Variants in ZDHHC8 observed in about 807,000 individuals in gnomAD.
ZDHHC8 encodes palmitoyltransferase ZDHHC8.
Under a neutral mutation model 61.2 loss-of-function variants are expected in ZDHHC8, and 24 were observed. The ratio of observed to expected loss-of-function variants is 0.39; its 90% CI spans 0.28 to 0.55. The LOEUF (loss-of-function observed/expected upper bound fraction) is 0.55, where lower values mean the gene tolerates loss of function less well. Ranked by LOEUF, ZDHHC8 falls within the 20% of genes least tolerant of loss-of-function variation. ZDHHC8 has a pLI of 0.60. For missense variants in ZDHHC8, 935 were observed against 1,102.1 expected (o/e 0.85, Z 2.15); for synonymous variants, 523 against 492.5 (o/e 1.06, Z -0.82).
chr22:20,141,459 C>A lies in ZDHHC8; in HGVS notation c.1054C>A (p.Pro352Thr), dbSNP rs539401729. The A allele has an allele frequency of 6.8e-6, 11 of 1,613,434 alleles. No homozygotes were observed. The highest frequency in any genetic ancestry group is 1.1e-5 in the South Asian group (1 of 91,074). ...LSVQRTSPPT[P>T]AMYKFRPAFP... is the part of the protein sequence containing the mutation. Reference sequence around the variant, plus strand: ...GGTGCAGAGGACCAGCCCCCCGACACCTGCCATGTACAAGTTTAGGCCGGC... The same window carrying A: ...GGTGCAGAGGACCAGCCCCCCGACAACTGCCATGTACAAGTTTAGGCCGGC... Residue 352 changes from proline to threonine, a missense_variant, in exon 9 of 11, where the codon CCT becomes ACT. By Grantham distance (38) the Pro-to-Thr change is conservative. Coordinates refer to ENST00000334554, the MANE Select transcript of ZDHHC8 (RefSeq NM_013373.4).
intron 1 of ZDHHC8, among the ~76,000 whole-genome samples, chr22:20,132,784 C>T (rs1457006327): frequency 6.6e-6 from 1 of 152,252 alleles, no homozygotes; most frequent in Non-Finnish European, 1.5e-5. Context: ...AAGATACAGG[C>T]TGGCTTAGGA....
At chr22:20,136,083 G>A (rs1020823294) in intron 1 of ZDHHC8, among the ~76,000 whole-genome samples, 6 of 152,168 alleles carry the variant, frequency 3.9e-5, no homozygotes, top group Non-Finnish European at 8.8e-5. Flanking sequence ...TGGCCCTGGA[G>A]GAGGGATTGG....
At chr22:20,140,299 C>A in intron 5 of ZDHHC8, 82 bp downstream of exon 5, 1 of 1,387,812 alleles carries the variant, frequency 7.2e-7, no homozygotes, top group Non-Finnish European at 9.8e-7. Context: ...GGCTGGGGCA[C>A]CCTTGCCTGA....
rs1459818305 is a variant in ZDHHC8 at position 20,146,033 on chromosome 22, TCTGTGTG to T, written c.*639_*645del. 1 of 985,976 alleles carries T rather than the reference TCTGTGTG, an allele frequency of 1.0e-6. No homozygotes were observed. The allele number at this position is 985,976 out of a possible 1,614,324, so 61.1% of individuals were successfully genotyped here. On this transcript the variant is annotated 3_prime_UTR_variant, in exon 11 of 11. Transcript: ENST00000334554. ...GGGGCCCGGCTCCATGTGTCCCGTGTCTGTGTGCTGTGCTGCCGCGCCGTGTCTGATG... is the reference window on the plus strand; with the variant it reads ...GGGGCCCGGCTCCATGTGTCCCGTGTCTGTGCTGCCGCGCCGTGTCTGATG...
rs369906244 is a variant in ZDHHC8, at chr22:20,142,957, G to A, written c.1327G>A (p.Gly443Arg). 71 of 1,601,298 alleles carry A rather than the reference G, an allele frequency of 4.4e-5. No homozygotes were observed. Among genetic ancestry groups the A allele is most frequent in the Admixed American group, 1.9e-4 (11 of 59,374 alleles). The change falls in exon 10 of 11, where the codon GGG (glycine) becomes AGG (arginine). Residue 443 changes from glycine to arginine, a missense_variant. Around this residue, in one of 3 missense-constraint regions of ZDHHC8, gnomAD observed 692 missense variants for 731.4 expected, o/e 0.95. Coordinates refer to ENST00000334554, the MANE Select transcript of ZDHHC8 (RefSeq NM_013373.4). The part of the protein sequence containing the change: ...LSLKASSRRG[G>R]DHVALQPLRS... ...CCTCAAGGCCTCGAGCCGGCGGGGC[G>A]GGGATCATGTGGCCCTGCAGCCCCT...
chr22:20,140,440 G>C (rs2050458203), intron 5 of ZDHHC8, 177 bp from the exon 6 acceptor site: 1 of 807,686 alleles, frequency 1.2e-6, no homozygotes, highest in East Asian at 2.7e-5. Flanking sequence ...AAATCCCACA[G>C]CTCCCTGCAA....
At chr22:20,134,031 T>C (rs1288061681) in intron 1 of ZDHHC8, among the ~76,000 whole-genome samples, 1 of 152,256 alleles carries the variant, frequency 6.6e-6, no homozygotes, top group African/African-American at 2.4e-5. Flanking sequence ...TCTGGGGTTC[T>C]GGTTTCGGCG....
Position 20,146,088 on chromosome 22 carries a change from G to A in ZDHHC8, c.*688G>A. On this transcript the variant is annotated 3_prime_UTR_variant, in exon 11 of 11. Transcript: ENST00000334554. ...ATGTGTCAGTGCTCCGGCCGCCGCT[G>A]TCCCTTTCATCAAAGCCTTAACCTT... is the stretch of plus-strand genomic sequence containing the variant. 1 of 985,874 alleles carries A rather than the reference G, an allele frequency of 1.0e-6. No homozygotes were observed. 61.1% of individuals were successfully genotyped at this position (985,874 alleles called of 1,614,324 possible).
Position 20,146,052 on chromosome 22 carries a change from C to G in ZDHHC8, c.*652C>G, listed in dbSNP as rs948970527. The G allele has an allele frequency of 1.0e-6, 1 of 985,776 alleles. No homozygotes were observed. Among genetic ancestry groups the G allele is most frequent in the Non-Finnish European group, 1.2e-6 (1 of 830,046 alleles). The allele number at this position is 985,776 out of a possible 1,614,324, so 61.1% of individuals were successfully genotyped here. ...CCCGTGTCTGTGTGCTGTGCTGCCG[C>G]GCCGTGTCTGATGTGTCAGTGCTCC... On this transcript the variant is annotated 3_prime_UTR_variant, in exon 11 of 11. Coordinates refer to ENST00000334554, the MANE Select transcript of ZDHHC8 (RefSeq NM_013373.4).
chr22:20,145,091 A>G (rs1218545650), intron 10 of ZDHHC8, 138 bp from the exon 11 acceptor site: 2 of 634,602 alleles, frequency 3.2e-6, no homozygotes, highest in South Asian at 3.3e-5. Context: ...CCCAGAGGGC[A>G]GGGACTGCAC....
In ZDHHC8 at chr22:20,145,453, C is replaced by T. The variant is rs1282698934; in HGVS notation, c.*53C>T. The T allele has an allele frequency of 3.8e-5, 52 of 1,363,038 alleles. No individual in the cohort carries two copies. The highest frequency in any genetic ancestry group is 4.7e-5 in the Non-Finnish European group (50 of 1,055,764). 84.4% of individuals were successfully genotyped at this position (1,363,038 alleles called of 1,614,324 possible). ...TGCCACGGGGACCAGGACCCCACAG[C>T]GCACCCCCCCTCCCCACCAACTTCT... On this transcript the variant is annotated 3_prime_UTR_variant, in exon 11 of 11. Transcript: ENST00000334554.
At position 20,147,085 on chromosome 22, in the gene ZDHHC8, C is replaced by T. The variant is rs1436087342; in HGVS notation, c.*1685C>T. The T allele has an allele frequency of 3.3e-6, 5 of 1,529,580 alleles. No homozygotes were observed. The highest frequency in any genetic ancestry group is 4.4e-6 in the Non-Finnish European group (5 of 1,139,352). 94.8% of individuals were successfully genotyped at this position (1,529,580 alleles called of 1,614,324 possible). A position where few individuals can be genotyped will look rare whatever the true frequency, so the allele number is the denominator to read the frequency against. On this transcript the variant is annotated 3_prime_UTR_variant, in exon 11 of 11. Coordinates refer to ENST00000334554, the MANE Select transcript of ZDHHC8 (RefSeq NM_013373.4). ...TGGCCAGCCTTGGGTGCCTCCTGGGCTGCACCTGTGCCACCTTGGCCGCCC... is the reference window on the plus strand; with the variant it reads ...TGGCCAGCCTTGGGTGCCTCCTGGGTTGCACCTGTGCCACCTTGGCCGCCC...
chr22:20,134,225 G>C (rs1213177612), intron 1 of ZDHHC8, among the ~76,000 whole-genome samples: 2 of 152,234 alleles, frequency 1.3e-5, no homozygotes, highest in Admixed American at 6.5e-5. Context: ...TGGCCACCTA[G>C]CAAGGCTAAG....
At chr22:20,134,568 A>G (rs75031525) in intron 1 of ZDHHC8, among the ~76,000 whole-genome samples, 4,772 of 152,322 alleles carry the variant, frequency 0.031, 123 homozygotes, top group Non-Finnish European at 0.051. Context: ...CTTAGTGCCT[A>G]TACAGGGTTC....
At chr22:20,141,116 T>C (rs2050465358) in intron 7 of ZDHHC8, 101 bp from the exon 8 acceptor site, 3 of 1,588,802 alleles carry the variant, frequency 1.9e-6, no homozygotes, top group African/African-American at 2.7e-5. Flanking sequence ...GACAGAGCCG[T>C]AGACAGATTC....
At chr22:20,144,152 C>G (rs747830258) in intron 10 of ZDHHC8, among the ~76,000 whole-genome samples, 1 of 152,138 alleles carries the variant, frequency 6.6e-6, no homozygotes, top group Non-Finnish European at 1.5e-5. Context: ...AGGGCTCTCC[C>G]TGGGCCTGCT....
chr22:20,134,686 G>A (rs1307351719), intron 1 of ZDHHC8, among the ~76,000 whole-genome samples: 2 of 152,240 alleles, frequency 1.3e-5, no homozygotes, highest in African/African-American at 4.8e-5. Flanking sequence ...CTTCACCCAT[G>A]CACCAGGTGG....
At chr22:20,135,085 T>C (rs1473162306) in intron 1 of ZDHHC8, among the ~76,000 whole-genome samples, 1 of 151,968 alleles carries the variant, frequency 6.6e-6, no homozygotes, top group Non-Finnish European at 1.5e-5. Context: ...GTGGGCACCC[T>C]CACACCTGGC....
chr22:20,143,043 C>T lies in ZDHHC8; in HGVS notation c.1413C>T (p.Pro471=). The part of the protein sequence containing the change: ...HRSIFAPHAL[P]NRNGSLSYDS... ...GCATTTTTGCCCCCCATGCACTGCCCAACCGCAACGGCAGCCTGTCCTATG... is the reference window on the plus strand; with the variant it reads ...GCATTTTTGCCCCCCATGCACTGCCTAACCGCAACGGCAGCCTGTCCTATG... Residue 471 remains proline, a synonymous_variant, in exon 10 of 11, where the codon CCC becomes CCT. Coordinates refer to ENST00000334554, the MANE Select transcript of ZDHHC8 (RefSeq NM_013373.4). The T allele has an allele frequency of 1.2e-6, 2 of 1,612,536 alleles. No individual in the cohort carries two copies. The highest frequency in any genetic ancestry group is 2.2e-5 in the South Asian group (2 of 91,084).
Sources: allele counts gnomAD v4.1 joint callset (sites outside exome capture counted in the v4.1 genomes callset), GRCh38; gene constraint gnomAD v4.1.1; regional missense constraint gnomAD v4.1.1; transcripts MANE v1.5; gene names NCBI Gene and HGNC (gene_info 2026-07-23, HGNC 2026-07-21).